PELI2: variants seen among roughly 807,000 people sequenced by gnomAD.
PELI2 encodes the protein E3 ubiquitin-protein ligase pellino homolog 2.
In PELI2, 23 loss-of-function variants were observed where a neutral mutation model predicts 42.3. That is an observed-to-expected ratio of 0.54 (90% CI 0.39 to 0.77). PELI2 has a LOEUF of 0.77. PELI2 is among the 30% of genes least tolerant of loss of function. PELI2 has a pLI of 0.00. For missense variants in PELI2, 463 were observed against 553.2 expected (o/e 0.84, Z 1.64); for synonymous variants, 245 against 212.2 (o/e 1.15, Z -1.34).
intron 1 of PELI2, among the ~76,000 whole-genome samples, chr14:56,177,600 G>T (rs1163999833): frequency 6.6e-6 from 1 of 152,296 alleles, no homozygotes; most frequent in East Asian, 1.9e-4. Flanking sequence ...CTGTGATCCT[G>T]CATGTCTTTT....
chr14:56,212,977 G>T (rs939621355), intron 2 of PELI2, among the ~76,000 whole-genome samples: 1 of 152,194 alleles, frequency 6.6e-6, no homozygotes, highest in African/African-American at 2.4e-5. Context: ...TAGTCCACAC[G>T]TGCAGTTCGT....
rs1885528360 is a variant in PELI2, at chr14:56,180,189, C to CCT, written c.207+1728_207+1729dup. On this transcript the variant is annotated intron_variant, in intron 2 of 5. Transcript: ENST00000267460. The surrounding 1 kb of genome is among the most constrained non-coding windows in gnomAD (Gnocchi z 4.4). ...GGGCAGATTGGGTTTAGGTCTTGAC[C>CCT]CTCTGTATTTTATAATCTGGGAAAA... is the stretch of plus-strand genomic sequence containing the variant. Among the ~76,000 whole-genome samples the CCT allele has an allele frequency of 6.6e-6, 1 of 152,024 alleles. No individual in the cohort carries two copies. The highest frequency in any genetic ancestry group is 6.5e-5 in the Admixed American group (1 of 15,276).
intron 1 of PELI2, among the ~76,000 whole-genome samples, chr14:56,156,540 T>G (rs1884572616): frequency 6.6e-6 from 1 of 152,204 alleles, no homozygotes; most frequent in Admixed American, 6.5e-5. Flanking sequence ...CTTCTGCTGA[T>G]TGGCTGTGTG....
chr14:56,202,981 T>G lies in PELI2; in HGVS notation c.207+24517T>G, dbSNP rs140869590. 6.5e-3 allele frequency among the ~76,000 whole-genome samples: 897 copies of G among 138,670 alleles called. 4 individuals are homozygous for G. Among genetic ancestry groups the G allele is most frequent in the Middle Eastern group, 0.019 (5 of 270 alleles). 91.0% of individuals were successfully genotyped at this position (138,670 alleles called of 152,430 possible). Reference sequence around the variant, plus strand: ...CCAAATGCAGTGTGTCATCATCCCTTGGATCCTGAATTTTTCAAAAAAAAA... The same window carrying G: ...CCAAATGCAGTGTGTCATCATCCCTGGGATCCTGAATTTTTCAAAAAAAAA... On this transcript the variant is annotated intron_variant, in intron 2 of 5. Transcript: ENST00000267460.
chr14:56,236,254 C>T (rs1594670249), intron 2 of PELI2, among the ~76,000 whole-genome samples: 1 of 152,082 alleles, frequency 6.6e-6, no homozygotes, highest in Non-Finnish European at 1.5e-5. Flanking sequence ...ATACTGGTAC[C>T]CACATAGCGT....
intron 2 of PELI2, among the ~76,000 whole-genome samples, chr14:56,183,378 C>CA (rs1380674598): frequency 6.6e-6 from 1 of 151,852 alleles, no homozygotes; most frequent in Non-Finnish European, 1.5e-5. Context: ...AATCATTTTC[C>CA]AAAAAATTGA....
chr14:56,151,641 A>G (rs1472729563), intron 1 of PELI2, among the ~76,000 whole-genome samples: 2 of 152,184 alleles, frequency 1.3e-5, no homozygotes, highest in African/African-American at 4.8e-5. Context: ...CTTCTCTTAG[A>G]TGAGGATATT....
chr14:56,291,815 G>A (rs1411882987), intron 5 of PELI2, among the ~76,000 whole-genome samples: 3 of 152,240 alleles, frequency 2.0e-5, no homozygotes, highest in Admixed American at 2.0e-4. Flanking sequence ...GGATGAGGAA[G>A]ATGTGGCGTG....
At chr14:56,211,350 C>G (rs1206543246) in intron 2 of PELI2, among the ~76,000 whole-genome samples, 1 of 152,202 alleles carries the variant, frequency 6.6e-6, no homozygotes, top group Non-Finnish European at 1.5e-5. Context: ...GTTGAGATGT[C>G]ACAGAATTGT....
chr14:56,233,162 G>GA lies in PELI2; in HGVS notation c.208-46511dup, dbSNP rs572788702. 5.6e-3 allele frequency among the ~76,000 whole-genome samples: 849 copies of GA among 152,222 alleles called. 4 individuals carry two copies. The highest frequency in any genetic ancestry group is 0.017 in the Middle Eastern group (5 of 292). On this transcript the variant is annotated intron_variant, in intron 2 of 5. Transcript: ENST00000267460. ...CATGGATAGGAAGAATCAATATCGT[G>GA]AAATGGCCATACTGCCCAAGGTAAT... is the stretch of plus-strand genomic sequence containing the variant.
At chr14:56,140,128 A>T (rs1595549200) in intron 1 of PELI2, among the ~76,000 whole-genome samples, 2 of 151,988 alleles carry the variant, frequency 1.3e-5, no homozygotes, top group Non-Finnish European at 2.9e-5. Flanking sequence ...TGCCTCAAAC[A>T]TGTATAATTT....
chr14:56,178,589 G>A, intron 2 of PELI2, 125 bp downstream of exon 2: 6 of 1,104,146 alleles, frequency 5.4e-6, no homozygotes, highest in South Asian at 1.4e-5. Flanking sequence ...TTTGAGGCTG[G>A]ATAATGCTTT....
chr14:56,152,456 T>A (rs1161911523), intron 1 of PELI2, among the ~76,000 whole-genome samples: 2 of 152,128 alleles, frequency 1.3e-5, no homozygotes, highest in African/African-American at 4.8e-5. Flanking sequence ...GAGGGACAAT[T>A]AACAGTCTGT....
At chr14:56,143,147 A>G (rs570010355) in intron 1 of PELI2, among the ~76,000 whole-genome samples, 34 of 152,124 alleles carry the variant, frequency 2.2e-4, no homozygotes, top group Admixed American at 9.8e-4. Context: ...TCAGTCTTTC[A>G]TGACCATGAC....
At chr14:56,146,460 AT>A (rs1272700364) in intron 1 of PELI2, among the ~76,000 whole-genome samples, 3 of 152,206 alleles carry the variant, frequency 2.0e-5, no homozygotes, top group African/African-American at 7.2e-5. Context: ...TACTTTCACC[AT>A]ATGATGTGCT....
intron 2 of PELI2, among the ~76,000 whole-genome samples, chr14:56,204,713 G>C (rs749891614): frequency 6.6e-6 from 1 of 152,086 alleles, no homozygotes; most frequent in Non-Finnish European, 1.5e-5. Flanking sequence ...AGAGGGCCTG[G>C]AAAAGAGGTG....
chr14:56,228,417 A>G (rs1166805170), intron 2 of PELI2, among the ~76,000 whole-genome samples: 3 of 152,326 alleles, frequency 2.0e-5, no homozygotes, highest in East Asian at 3.9e-4. Flanking sequence ...ATATATCTAT[A>G]AAGGCCTAAT....
At chr14:56,261,132 G>A (rs983267016) in intron 2 of PELI2, among the ~76,000 whole-genome samples, 2 of 151,822 alleles carry the variant, frequency 1.3e-5, no homozygotes, top group Admixed American at 1.3e-4. Flanking sequence ...TTTTTAGACT[G>A]GATACTATTG....
chr14:56,141,950 G>C (rs1196054439), intron 1 of PELI2, among the ~76,000 whole-genome samples: 1 of 152,114 alleles, frequency 6.6e-6, no homozygotes, highest in Non-Finnish European at 1.5e-5. Context: ...AAATGCAAAG[G>C]GTGTTGCTTG....
Sources: gnomAD v4.1 joint callset for allele counts (sites outside exome capture counted in the v4.1 genomes callset) on GRCh38, gnomAD v4.1.1 for gene constraint, Gnocchi (gnomAD v3.1) non-coding constraint, MANE v1.5 for transcripts, NCBI Gene and HGNC (gene_info 2026-07-23, HGNC 2026-07-21) for gene names.